The following LOC400499 variants were observed in gnomAD, a reference collection of about 807,000 sequenced individuals.
At chr16:11,393,585 A>G in the LOC400499 span, 1 of 1,232,078 alleles carries the variant, frequency 8.1e-7, no homozygotes, top group Non-Finnish European at 1.0e-6. Flanking sequence ...CAGAGGCCTG[A>G]GTGGAGCCTG....
chr16:11,410,368 C>T, the LOC400499 span, among the ~76,000 whole-genome samples: 5 of 152,178 alleles, frequency 3.3e-5, no homozygotes, highest in Admixed American at 6.5e-5. Flanking sequence ...GCAGGAGAAT[C>T]GCTTGAACCG....
At chr16:11,440,375 C>T in the LOC400499 span, among the ~76,000 whole-genome samples, 1 of 152,212 alleles carries the variant, frequency 6.6e-6, no homozygotes, top group Non-Finnish European at 1.5e-5. Flanking sequence ...ACCTATGGGT[C>T]TGGCACATAA....
the LOC400499 span, among the ~76,000 whole-genome samples, chr16:11,490,484 G>A: frequency 6.6e-6 from 1 of 151,756 alleles, no homozygotes; most frequent in Non-Finnish European, 1.5e-5. Flanking sequence ...CAGATCATGA[G>A]GTCAGGAGAT....
the LOC400499 span, among the ~76,000 whole-genome samples, chr16:11,479,392 C>T: frequency 4.0e-5 from 6 of 151,762 alleles, no homozygotes; most frequent in South Asian, 2.1e-4. Context: ...AAAAGAGGAT[C>T]GCTTGAGGCC....
At chr16:11,461,054 G>A in the LOC400499 span, 1 of 1,536,098 alleles carries the variant, frequency 6.5e-7, no homozygotes, top group East Asian at 2.4e-5. Context: ...ACCAGCCCTG[G>A]CACAAACAGC....
At chr16:11,388,845 C>T in the LOC400499 span, among the ~76,000 whole-genome samples, 1 of 152,158 alleles carries the variant, frequency 6.6e-6, no homozygotes, top group African/African-American at 2.4e-5. Flanking sequence ...CCTATAATCC[C>T]AGCACTTTGA....
the LOC400499 span, among the ~76,000 whole-genome samples, chr16:11,440,464 T>C: frequency 4.6e-5 from 7 of 152,204 alleles, no homozygotes; most frequent in Non-Finnish European, 1.0e-4. Flanking sequence ...GAGGCCTGGA[T>C]CCTGAGAGAC....
chr16:11,465,327 A>C, the LOC400499 span: 1 of 152,174 alleles, frequency 6.6e-6, no homozygotes, highest in Non-Finnish European at 1.5e-5. Context: ...GGGTTTCACC[A>C]TCTTGGCCAG....
At chr16:11,482,328 A>G in the LOC400499 span, among the ~76,000 whole-genome samples, 1 of 152,186 alleles carries the variant, frequency 6.6e-6, no homozygotes, top group Non-Finnish European at 1.5e-5. Flanking sequence ...TGGCAGCTGG[A>G]CTTTGCAGGA....
At chr16:11,387,371 G>C in the LOC400499 span, 12 of 1,162,156 alleles carry the variant, frequency 1.0e-5, no homozygotes, top group Non-Finnish European at 1.3e-5. Flanking sequence ...GGAGCTTCTA[G>C]GTCTGCAGGA....
the LOC400499 span, among the ~76,000 whole-genome samples, chr16:11,389,056 C>G: frequency 3.9e-5 from 6 of 152,286 alleles, no homozygotes; most frequent in East Asian, 1.2e-3. Flanking sequence ...CATTGTACTC[C>G]AGCCTGGGCA....
At chr16:11,422,177 G>A in the LOC400499 span, among the ~76,000 whole-genome samples, 6 of 152,354 alleles carry the variant, frequency 3.9e-5, no homozygotes, top group Admixed American at 3.3e-4. Context: ...GAAACGGGCC[G>A]ATCACTTGAG....
At chr16:11,383,071 CTTT>C in the LOC400499 span, among the ~76,000 whole-genome samples, 1 of 145,126 alleles carries the variant, frequency 6.9e-6, no homozygotes, top group Non-Finnish European at 1.5e-5. Context: ...GTGCCAGGGT[CTTT>C]TTTTTTTTTG....
chr16:11,512,855 G>C, the LOC400499 span, among the ~76,000 whole-genome samples: 3 of 152,200 alleles, frequency 2.0e-5, no homozygotes, highest in Admixed American at 2.0e-4. Context: ...GGTGTGCGGG[G>C]AGGGCAGACC....
At chr16:11,427,277 C>T in the LOC400499 span, among the ~76,000 whole-genome samples, 474 of 143,334 alleles carry the variant, frequency 3.3e-3, 5 homozygotes, top group African/African-American at 0.012. Flanking sequence ...GCACAAGAAT[C>T]GCAGAGGTTG....
At chr16:11,383,570 G>C in the LOC400499 span, 1 of 1,220,160 alleles carries the variant, frequency 8.2e-7, no homozygotes, top group Non-Finnish European at 1.0e-6. Flanking sequence ...GAGAGAAAGG[G>C]ACTGGTTTTC....
At chr16:11,496,084 G>A in the LOC400499 span, among the ~76,000 whole-genome samples, 3 of 142,188 alleles carry the variant, frequency 2.1e-5, no homozygotes, top group Admixed American at 1.4e-4. Context: ...TTTTTTTCTC[G>A]AGATGGAGTC....
the LOC400499 span, chr16:11,494,519 G>T: frequency 8.0e-6 from 3 of 376,566 alleles, no homozygotes; most frequent in Non-Finnish European, 9.4e-6. Flanking sequence ...TGCCTGATTC[G>T]CTTCGGCCCC....
chr16:11,523,734 G>A, the LOC400499 span: 1 of 335,896 alleles, frequency 3.0e-6, no homozygotes, highest in Non-Finnish European at 5.4e-6. Context: ...AATCATTCGT[G>A]CTTCCACATC....
Sources: allele counts gnomAD v4.1 joint callset (sites outside exome capture counted in the v4.1 genomes callset), GRCh38; gene constraint gnomAD v4.1.1; transcripts MANE v1.5.